HTT: variants seen among roughly 807,000 people sequenced by gnomAD.
HTT encodes huntington disease protein.
Under a neutral mutation model 362.3 loss-of-function variants are expected in HTT, and 104 were observed. That is an observed-to-expected ratio of 0.29 (90% CI 0.24 to 0.34). The LOEUF (loss-of-function observed/expected upper bound fraction) is 0.34, where lower values mean the gene tolerates loss of function less well. Ranked by LOEUF, HTT falls within the 10% of genes least tolerant of loss-of-function variation. The pLI, the probability that HTT is intolerant of heterozygous loss-of-function variation, is 1.00. For synonymous variants in HTT, 1,577 were observed against 1,548.7 expected (o/e 1.02, Z -0.43); for missense variants, 3,301 against 3,928.6 (o/e 0.84, Z 4.27).
Position 3,105,366 on chromosome 4 carries a change from C to A in HTT, c.538C>A (p.Pro180Thr). 6.2e-7 allele frequency: 1 copy of A among 1,613,376 alleles called. No homozygotes were observed. ...CATTGCACCCCCTCAGAATGGTGCC[C>A]CTCGGAGTTTGCGTGCTGCCCTGTG... is the stretch of plus-strand genomic sequence containing the variant. ...LYKEIKKNGA[P>T]RSLRAALWRF... Residue 180 changes from proline (P) to threonine (T), a missense_variant, in exon 5 of 67, where the codon CCT becomes ACT. Pro to Thr is a conservative substitution (Grantham distance 38). Coordinates refer to ENST00000355072, the MANE Select transcript of HTT (RefSeq NM_001388492.1).
In HTT at chr4:3,235,722, A is replaced by C. The variant is rs751648728; in HGVS notation, c.8729A>C (p.His2910Pro). 7 of 1,612,696 alleles carry C rather than the reference A, an allele frequency of 4.3e-6. No individual in the cohort carries two copies. The highest frequency in any genetic ancestry group is 1.7e-5 in the Admixed American group (1 of 60,020). ...VKLSVDRVNV[H>P]SPHRAMAALG... ...CTGAGTGTGGACAGAGTGAACGTGC[A>C]CAGCCCGCACCGGGCCATGGCGGCT... The change falls in exon 63 of 67, where the codon CAC becomes CCC. Residue 2910 changes from histidine to proline, a missense_variant. By Grantham distance (77) the His-to-Pro change is moderately conservative. This residue lies in a region of HTT where 753 missense variants were observed against 1,021.3 expected (regional missense o/e 0.74). Coordinates refer to ENST00000355072, the MANE Select transcript of HTT (RefSeq NM_001388492.1).
chr4:3,087,397 C>T (rs57875258), intron 2 of HTT, among the ~76,000 whole-genome samples: 6,063 of 152,260 alleles, frequency 0.04, 377 homozygotes, highest in African/African-American at 0.13. Flanking sequence ...TTTGCTTTTT[C>T]TTGGCAGTTT....
At chr4:3,222,358 A>G in intron 53 of HTT, 29 bp from the exon 54 acceptor site, 1 of 1,563,012 alleles carries the variant, frequency 6.4e-7, no homozygotes, top group Non-Finnish European at 8.8e-7. Context: ...AAGGGTTGAC[A>G]CTCTCTCATG....
At chr4:3,220,091 C>T (rs1720604666) in intron 52 of HTT, 91 bp from the exon 53 acceptor site, 50 of 1,421,980 alleles carry the variant, frequency 3.5e-5, no homozygotes, top group Non-Finnish European at 4.8e-5. Context: ...GAGGAGGGAG[C>T]CCAGTGGAGA....
intron 37 of HTT, among the ~76,000 whole-genome samples, chr4:3,182,993 ACCT>A (rs1718598678): frequency 6.6e-6 from 1 of 151,716 alleles, no homozygotes; most frequent in Non-Finnish European, 1.5e-5. Context: ...CAATTCTCCC[ACCT>A]CAGCCTCCTG....
At chr4:3,126,324 G>A (rs1378212161) in intron 11 of HTT, among the ~76,000 whole-genome samples, 1 of 152,184 alleles carries the variant, frequency 6.6e-6, no homozygotes, top group Non-Finnish European at 1.5e-5. Flanking sequence ...ACAGTGCCGG[G>A]ATTACAGGAG....
chr4:3,113,000 G>A (rs1280937039), intron 6 of HTT: 2 of 963,402 alleles, frequency 2.1e-6, no homozygotes, highest in East Asian at 1.1e-4. Flanking sequence ...AGTACCCTTG[G>A]CTCTGAAGTT....
chr4:3,075,700 T>C (rs1231789701), intron 1 of HTT, among the ~76,000 whole-genome samples: 2 of 150,232 alleles, frequency 1.3e-5, no homozygotes, highest in Non-Finnish European at 3.0e-5. Flanking sequence ...CTTTTCCTAG[T>C]GGCACTTAAA....
At chr4:3,170,932 A>G (rs186960554) in intron 29 of HTT, among the ~76,000 whole-genome samples, 12 of 152,346 alleles carry the variant, frequency 7.9e-5, no homozygotes, top group Admixed American at 2.6e-4. Context: ...TATTTGTAGC[A>G]GAGCCCTGGT....
At chr4:3,105,640 A>G (rs1471637432) in intron 5 of HTT, among the ~76,000 whole-genome samples, 2 of 152,178 alleles carry the variant, frequency 1.3e-5, no homozygotes, top group Non-Finnish European at 2.9e-5. Flanking sequence ...TTTATTTTCT[A>G]TCCCACCCTT....
chr4:3,132,462 T>C, intron 16 of HTT, 100 bp from the exon 17 acceptor site: 2 of 992,168 alleles, frequency 2.0e-6, no homozygotes, highest in Middle Eastern at 5.4e-4. Flanking sequence ...GATCTTCTCT[T>C]CACACCTCTT....
intron 47 of HTT, among the ~76,000 whole-genome samples, chr4:3,211,430 T>A (rs1720155041): frequency 6.6e-6 from 1 of 152,218 alleles, no homozygotes. Context: ...AATCTTTAAA[T>A]GGCTAAACAA....
At chr4:3,102,126 G>A (rs1283507168) in intron 3 of HTT, among the ~76,000 whole-genome samples, 1 of 152,188 alleles carries the variant, frequency 6.6e-6, no homozygotes, top group Non-Finnish European at 1.5e-5. Flanking sequence ...TGGGGTAGAG[G>A]AGGACAGGTG....
At chr4:3,155,232 A>AT (rs925236738) in intron 27 of HTT, among the ~76,000 whole-genome samples, 2 of 150,894 alleles carry the variant, frequency 1.3e-5, no homozygotes, top group African/African-American at 4.9e-5. Context: ...TTATTTATTT[A>AT]TTTTTTTGAG....
chr4:3,140,778 G>A, intron 22 of HTT, 122 bp downstream of exon 22: 2 of 858,020 alleles, frequency 2.3e-6, no homozygotes, highest in Non-Finnish European at 3.6e-6. Flanking sequence ...GGATGTTTGA[G>A]TGTAGGTCAG....
At chr4:3,105,499 C>A in intron 5 of HTT, 63 bp downstream of exon 5, 1 of 1,082,978 alleles carries the variant, frequency 9.2e-7, no homozygotes, top group Non-Finnish European at 1.4e-6. Flanking sequence ...TCCTTTATGT[C>A]TCAGCTCAGA....
chr4:3,143,913 A>G (rs959226684), intron 23 of HTT, among the ~76,000 whole-genome samples: 15 of 152,114 alleles, frequency 9.9e-5, no homozygotes, highest in African/African-American at 3.6e-4. Context: ...TTACATTTTT[A>G]TAATAAGAAT....
In HTT at chr4:3,132,542, T is replaced by C. The variant is rs1715873884; in HGVS notation, c.2237-20T>C. 1.2e-6 allele frequency: 2 copies of C among 1,604,888 alleles called. No individual in the cohort carries two copies. The highest frequency in any genetic ancestry group is 8.5e-7 in the Non-Finnish European group (1 of 1,172,052). ...TGATAGTAGGGAATTGTTCCATGGC[T>C]GAGCAATTTATCTCCACAGAGGAAC... On this transcript the variant is annotated intron_variant, in intron 16 of 66. Coordinates refer to ENST00000355072, the MANE Select transcript of HTT (RefSeq NM_001388492.1).
intron 51 of HTT, among the ~76,000 whole-genome samples, chr4:3,216,010 G>A (rs563886874): frequency 3.3e-5 from 5 of 152,328 alleles, no homozygotes; most frequent in East Asian, 3.9e-4. Context: ...ATTTTACACA[G>A]CACGCTTACC....
Sources: allele counts gnomAD v4.1 joint callset (sites outside exome capture counted in the v4.1 genomes callset), GRCh38; gene constraint gnomAD v4.1.1; regional missense constraint gnomAD v4.1.1; transcripts MANE v1.5; gene names NCBI Gene and HGNC (gene_info 2026-07-23, HGNC 2026-07-21).